Variants in MAF observed in about 807,000 individuals in gnomAD.
MAF encodes transcription factor Maf.
Under a neutral mutation model 22.0 loss-of-function variants are expected in MAF, and 10 were observed. That is an observed-to-expected ratio of 0.45 (90% CI 0.28 to 0.77). The LOEUF is 0.77. MAF is among the 30% of genes least tolerant of loss of function. The pLI is 0.12. For synonymous variants in MAF, 337 were observed against 255.8 expected, an observed-to-expected ratio of 1.32 and a Z score of -3.03; for missense variants, 544 against 548.4, an observed-to-expected ratio of 0.99 and a Z score of 0.08.
At chr16:79,257,821 T>G in the MAF span, among the ~76,000 whole-genome samples, 131 of 152,310 alleles carry the variant, frequency 8.6e-4, no homozygotes, top group Middle Eastern at 0.014. Context: ...TAGTGAAAAC[T>G]GGAGACGAGA....
chr16:79,365,257 T>C, the MAF span, among the ~76,000 whole-genome samples: 1 of 152,194 alleles, frequency 6.6e-6, no homozygotes, highest in South Asian at 2.1e-4. Flanking sequence ...CCACGATAGG[T>C]AGGCCCTGCT....
chr16:79,266,063 G>A, the MAF span, among the ~76,000 whole-genome samples: 2 of 144,546 alleles, frequency 1.4e-5, no homozygotes, highest in Non-Finnish European at 3.0e-5. Context: ...TTATTTCTTT[G>A]AGGTCTCACT....
the MAF span, among the ~76,000 whole-genome samples, chr16:79,509,823 C>T: frequency 3.9e-5 from 6 of 152,214 alleles, no homozygotes; most frequent in Non-Finnish European, 8.8e-5. Context: ...TGATGAGCCT[C>T]TTCTTATCAA....
the MAF span, among the ~76,000 whole-genome samples, chr16:79,321,830 C>T: frequency 6.6e-6 from 1 of 151,810 alleles, no homozygotes. Flanking sequence ...GCTGGGATTA[C>T]AGGTGTGAAC....
chr16:79,412,635 A>G, the MAF span, among the ~76,000 whole-genome samples: 9 of 152,196 alleles, frequency 5.9e-5, no homozygotes, highest in Non-Finnish European at 7.3e-5. Context: ...GTTGAGGAGC[A>G]CTGCTTCAAG....
At chr16:79,582,569 C>A (rs1255070316), downstream of MAF, among the ~76,000 whole-genome samples, 2 of 152,046 alleles carry the variant, frequency 1.3e-5, no homozygotes, top group African/African-American at 4.8e-5. Context: ...TGGGCCAGTG[C>A]CCACAGAAAG....
At chr16:79,360,341 A>G in the MAF span, among the ~76,000 whole-genome samples, 1 of 152,080 alleles carries the variant, frequency 6.6e-6, no homozygotes, top group Non-Finnish European at 1.5e-5. Context: ...ATGCCCTTAA[A>G]TGATGCCCTA....
At chr16:79,399,334 T>TAC in the MAF span, among the ~76,000 whole-genome samples, 1 of 152,170 alleles carries the variant, frequency 6.6e-6, no homozygotes. Flanking sequence ...CAATTATTAT[T>TAC]ATATCATCAT....
chr16:79,470,560 C>G, the MAF span, among the ~76,000 whole-genome samples: 5 of 152,214 alleles, frequency 3.3e-5, no homozygotes, highest in African/African-American at 1.2e-4. Flanking sequence ...CAACAGCAGC[C>G]AACTCATTCA....
chr16:79,598,730 G>A lies in MAF; in HGVS notation c.1118+55C>T, dbSNP rs867194970. ...AACTAGCAAGCCCACACCCGAGCCG[G>A]ACCCCCGCGGAGCACTTATCAGGGT... On this transcript the variant is annotated intron_variant, in intron 1 of 1. Transcript: ENST00000326043. The A allele has an allele frequency of 8.1e-6, 13 of 1,611,068 alleles. No homozygotes were observed. In the Middle Eastern group the frequency reaches 1.7e-3, roughly 205 times the overall value.
At chr16:79,301,776 T>A in the MAF span, among the ~76,000 whole-genome samples, 2 of 152,238 alleles carry the variant, frequency 1.3e-5, no homozygotes, top group African/African-American at 4.8e-5. Context: ...GAGCACTTAC[T>A]GTGCTCTGGG....
chr16:79,215,895 G>A, the MAF span, among the ~76,000 whole-genome samples: 4 of 152,076 alleles, frequency 2.6e-5, no homozygotes, highest in Non-Finnish European at 4.4e-5. Flanking sequence ...CTGAGGCCCC[G>A]TAACAGTAGC....
the MAF span, among the ~76,000 whole-genome samples, chr16:79,486,021 T>G: frequency 6.6e-6 from 1 of 152,232 alleles, no homozygotes; most frequent in Non-Finnish European, 1.5e-5. Flanking sequence ...GAGCACTTAT[T>G]GATTGCTTCA....
the MAF span, among the ~76,000 whole-genome samples, chr16:79,338,043 C>G: frequency 6.6e-6 from 1 of 152,128 alleles, no homozygotes; most frequent in Admixed American, 6.6e-5. Flanking sequence ...AGGACGAGTC[C>G]CTGTCTTTGA....
the MAF span, among the ~76,000 whole-genome samples, chr16:79,547,685 G>T: frequency 6.6e-6 from 1 of 152,108 alleles, no homozygotes; most frequent in South Asian, 2.1e-4. Context: ...GGTCTACCTT[G>T]GATCTGAAGT....
the MAF span, among the ~76,000 whole-genome samples, chr16:79,273,949 C>CTTTTTT: frequency 1.3e-4 from 11 of 86,454 alleles, 1 homozygote; most frequent in South Asian, 1.3e-3. Context: ...TCGTGTCTGC[C>CTTTTTT]TTTTTTTTTT....
chr16:79,553,652 C>G, the MAF span, among the ~76,000 whole-genome samples: 7 of 152,320 alleles, frequency 4.6e-5, no homozygotes, highest in East Asian at 1.3e-3. Context: ...TCAAAGAAAG[C>G]CCAGGGGAAG....
At chr16:79,230,207 G>C in the MAF span, among the ~76,000 whole-genome samples, 1 of 152,054 alleles carries the variant, frequency 6.6e-6, no homozygotes, top group African/African-American at 2.4e-5. Flanking sequence ...CAGAACCTGA[G>C]GACTGAATGC....
the MAF span, among the ~76,000 whole-genome samples, chr16:79,565,301 G>A: frequency 6.6e-6 from 1 of 152,176 alleles, no homozygotes; most frequent in Non-Finnish European, 1.5e-5. Flanking sequence ...ATTGTCGATG[G>A]CAGGGTTGAG....
Sources: gnomAD v4.1 joint callset for allele counts (sites outside exome capture counted in the v4.1 genomes callset) on GRCh38, gnomAD v4.1.1 for gene constraint, MANE v1.5 for transcripts, NCBI Gene and HGNC (gene_info 2026-07-23, HGNC 2026-07-21) for gene names.